The following TMEM138 variants were observed in gnomAD, a reference collection of about 807,000 sequenced individuals.
TMEM138 encodes transmembrane protein 138.
TMEM138 carries 9 observed loss-of-function variants against 18.1 expected under a neutral mutation model. That is an observed-to-expected ratio of 0.50 (90% CI 0.30 to 0.87). The LOEUF is 0.87. Ranked by LOEUF, TMEM138 falls within the 40% of genes least tolerant of loss-of-function variation. The pLI, the probability that TMEM138 is intolerant of heterozygous loss-of-function variation, is 0.06. For missense variants in TMEM138, 189 were observed against 190.6 expected, an observed-to-expected ratio of 0.99 and a Z score of 0.05; for synonymous variants, 79 against 74.8, an observed-to-expected ratio of 1.06 and a Z score of -0.29.
rs1442460164 is a variant in TMEM138 at position 61,367,969 on chromosome 11, T to C, written c.347T>C (p.Leu116Pro). Residue 116 changes from leucine to proline, a missense_variant, in exon 4 of 5, where the codon CTT becomes CCT. Transcript: ENST00000278826. ...AACAGCTTCATATGGACAGATGGACTTCAAATGCTGTTTGTATTCCAGAGA... is the reference window on the plus strand; with the variant it reads ...AACAGCTTCATATGGACAGATGGACCTCAAATGCTGTTTGTATTCCAGAGA... ...NSNSFIWTDG[L>P]QMLFVFQRLA... 1.9e-6 allele frequency: 3 copies of C among 1,613,646 alleles called. No individual in the cohort carries two copies. The highest frequency in any genetic ancestry group is 2.2e-5 in the East Asian group (1 of 44,874).
intron 1 of TMEM138, 199 bp downstream of exon 1, chr11:61,362,619 T>G (rs1042835001): frequency 2.6e-5 from 4 of 152,204 alleles, no homozygotes; most frequent in African/African-American, 9.7e-5. Flanking sequence ...AAGAGCTTCA[T>G]GAGCTTGTGA....
Position 61,366,180 on chromosome 11 carries a change from C to T in TMEM138, c.264C>T (p.Tyr88=), listed in dbSNP as rs1485545821. 6.2e-6 allele frequency: 10 copies of T among 1,614,092 alleles called. No homozygotes were observed. In the East Asian group the frequency reaches 2.2e-4, roughly 36 times the overall value. Reference sequence around the variant, plus strand: ...GGACCATCATCCTGACAGCTGTGTACTTTGCCCTCAGCATCTCCCTTCATG... The same window carrying T: ...GGACCATCATCCTGACAGCTGTGTATTTTGCCCTCAGCATCTCCCTTCATG... ...FKGTIILTAV[Y]FALSISLHVW... is the part of the protein sequence containing the mutation. Residue 88 remains tyrosine, a synonymous_variant, in exon 3 of 5, where the codon TAC becomes TAT. Coordinates refer to ENST00000278826, the MANE Select transcript of TMEM138 (RefSeq NM_016464.5).
chr11:61,362,585 C>A (rs1857959125), intron 1 of TMEM138, 165 bp downstream of exon 1: 1 of 152,164 alleles, frequency 6.6e-6, no homozygotes, highest in Non-Finnish European at 1.5e-5. Flanking sequence ...AAAGGGAAGG[C>A]GGCAGGTAGC....
intron 1 of TMEM138, chr11:61,363,713 T>C (rs1159143750): frequency 2.0e-5 from 3 of 152,260 alleles, no homozygotes; most frequent in Non-Finnish European, 2.9e-5. Flanking sequence ...CTATCAATTA[T>C]GTAAGAGACA....
chr11:61,369,213 G>A lies in TMEM138; in HGVS notation c.*504G>A, dbSNP rs1203846584. 6.4e-6 allele frequency: 1 copy of A among 156,196 alleles called. No individual in the cohort carries two copies. The highest frequency in any genetic ancestry group is 1.4e-5 in the Non-Finnish European group (1 of 70,360). The allele number at this position is 156,196 out of a possible 1,614,324, so 9.7% of individuals were successfully genotyped here. ...TAAATTGAATTCTTGTTCCATAAAT[G>A]GGGGAGTCTGTCTGTCTAGCTAGAT... On this transcript the variant is annotated 3_prime_UTR_variant, in exon 5 of 5. Coordinates refer to ENST00000278826, the MANE Select transcript of TMEM138 (RefSeq NM_016464.5).
intron 2 of TMEM138, among the ~76,000 whole-genome samples, chr11:61,365,017 A>G (rs1303515629): frequency 2.0e-5 from 3 of 151,740 alleles, no homozygotes; most frequent in East Asian, 2.0e-4. Flanking sequence ...GAGAAACCCC[A>G]TCTCTACTAA....
chr11:61,370,514 C>T (rs1359356626), downstream of TMEM138, among the ~76,000 whole-genome samples: 9 of 152,136 alleles, frequency 5.9e-5, no homozygotes, highest in Non-Finnish European at 1.3e-4. Flanking sequence ...TGAAAGGATG[C>T]TGTAGTGGGG....
At chr11:61,367,747 C>T in intron 3 of TMEM138, 176 bp from the exon 4 acceptor site, 1 of 632,874 alleles carries the variant, frequency 1.6e-6, no homozygotes, top group Non-Finnish European at 2.9e-6. Flanking sequence ...AAGATATTCC[C>T]TTTGCAGCGA....
Position 61,364,314 on chromosome 11 carries a change from TGGTA to T in TMEM138, c.-74_-71del. 6.5e-7 allele frequency: 1 copy of T among 1,533,658 alleles called. No homozygotes were observed. The highest frequency in any genetic ancestry group is 8.9e-7 in the Non-Finnish European group (1 of 1,120,324). On this transcript the variant is annotated 5_prime_UTR_variant, in exon 2 of 5. Coordinates refer to ENST00000278826, the MANE Select transcript of TMEM138 (RefSeq NM_016464.5). Reference sequence around the variant, plus strand: ...AAGGAACTAGAAGCCTCTCCCTCAGTGGTAGGGAGACAGCCAGGAGCGGTTTTCT... The same window carrying T: ...AAGGAACTAGAAGCCTCTCCCTCAGTGGGAGACAGCCAGGAGCGGTTTTCT...
Position 61,367,978 on chromosome 11 carries a change from T to C in TMEM138, c.356T>C (p.Leu119Pro). The change falls in exon 4 of 5, where the codon CTG becomes CCG. Residue 119 changes from leucine (L) to proline (P), a missense_variant. Transcript: ENST00000278826. The part of the protein sequence containing the change: ...SFIWTDGLQM[L>P]FVFQRLAAVL... The stretch of plus-strand genomic sequence containing the variant: ...ATATGGACAGATGGACTTCAAATGC[T>C]GTTTGTATTCCAGAGACTAGGTAAG... The C allele has an allele frequency of 6.2e-7, 1 of 1,613,068 alleles. No individual in the cohort carries two copies. The highest frequency in any genetic ancestry group is 8.5e-7 in the Non-Finnish European group (1 of 1,179,014).
downstream of TMEM138, among the ~76,000 whole-genome samples, chr11:61,372,553 C>T (rs916227538): frequency 6.6e-6 from 1 of 150,766 alleles, no homozygotes; most frequent in Non-Finnish European, 1.5e-5. Context: ...GAGGCGAAGG[C>T]GGGGGGATCG....
downstream of TMEM138, among the ~76,000 whole-genome samples, chr11:61,376,237 T>TA (rs1449956986): frequency 6.6e-6 from 1 of 151,986 alleles, no homozygotes; most frequent in African/African-American, 2.4e-5. Context: ...TAATTCCAGC[T>TA]ACTCAGGAGG....
downstream of TMEM138, among the ~76,000 whole-genome samples, chr11:61,374,514 T>C (rs1316113718): frequency 6.6e-6 from 1 of 152,184 alleles, no homozygotes; most frequent in African/African-American, 2.4e-5. Context: ...ATAACTGTTA[T>C]GTTAAATTAT....
chr11:61,366,728 G>T, intron 3 of TMEM138: 1 of 152,800 alleles, frequency 6.5e-6, no homozygotes, highest in Non-Finnish European at 1.5e-5. Flanking sequence ...GGCCTCTGAA[G>T]TGCTAGGATT....
intron 2 of TMEM138, 92 bp from the exon 3 acceptor site, chr11:61,365,952 AG>A: frequency 6.9e-7 from 1 of 1,448,736 alleles, no homozygotes; most frequent in Non-Finnish European, 9.2e-7. Flanking sequence ...CTCACAACAA[AG>A]GACAGGCCTC....
downstream of TMEM138, among the ~76,000 whole-genome samples, chr11:61,372,051 G>A (rs760578750): frequency 7.3e-5 from 11 of 151,644 alleles, no homozygotes; most frequent in South Asian, 2.1e-4. Flanking sequence ...TGGCACATGC[G>A]TGTAATCCCA....
At chr11:61,373,778 A>G (rs1405903840), downstream of TMEM138, among the ~76,000 whole-genome samples, 2 of 152,090 alleles carry the variant, frequency 1.3e-5, no homozygotes, top group Non-Finnish European at 2.9e-5. Context: ...CTGTATTTGT[A>G]TAAATATGCT....
downstream of TMEM138, among the ~76,000 whole-genome samples, chr11:61,371,473 C>T (rs1006187592): frequency 1.3e-5 from 2 of 152,162 alleles, no homozygotes; most frequent in Admixed American, 1.3e-4. Context: ...GGCTTTGAAC[C>T]CTTTCAAGAT....
chr11:61,375,407 C>CT (rs760488179), downstream of TMEM138, among the ~76,000 whole-genome samples: 2 of 142,188 alleles, frequency 1.4e-5, no homozygotes, highest in African/African-American at 2.6e-5. Context: ...ACCACAACCT[C>CT]TGACTCGCAG....
Sources: gnomAD v4.1 joint callset for allele counts (sites outside exome capture counted in the v4.1 genomes callset) on GRCh38, gnomAD v4.1.1 for gene constraint, MANE v1.5 for transcripts, NCBI Gene and HGNC (gene_info 2026-07-23, HGNC 2026-07-21) for gene names.